Variants in NCALD observed in about 807,000 individuals in gnomAD.
The protein encoded by NCALD is neurocalcin delta.
In NCALD, 10 loss-of-function variants were observed where a neutral mutation model predicts 18.6. The ratio of observed to expected loss-of-function variants is 0.54; its 90% CI spans 0.33 to 0.91. The LOEUF (loss-of-function observed/expected upper bound fraction) is 0.91, where lower values mean the gene tolerates loss of function less well. Among genes scored for constraint, NCALD ranks in the 40% least tolerant of loss-of-function variants. NCALD has a pLI of 0.03. For synonymous variants in NCALD, 88 were observed against 87.4 expected (o/e 1.01, Z -0.04); for missense variants, 184 against 247.6 (o/e 0.74, Z 1.72).
At chr8:102,075,605 G>C (rs1217152311) in intron 1 of NCALD, among the ~76,000 whole-genome samples, 1 of 152,094 alleles carries the variant, frequency 6.6e-6, no homozygotes, top group Non-Finnish European at 1.5e-5. Context: ...ATCAATAGGA[G>C]AATCTTAATA....
chr8:101,903,384 A>G (rs757484931), intron 3 of NCALD, among the ~76,000 whole-genome samples: 1 of 151,848 alleles, frequency 6.6e-6, no homozygotes, highest in Non-Finnish European at 1.5e-5. Context: ...TTTAGTAGAG[A>G]TGGAGTTTCA....
chr8:102,101,068 T>G (rs1196765923), intron 1 of NCALD, among the ~76,000 whole-genome samples: 1 of 152,202 alleles, frequency 6.6e-6, no homozygotes, highest in Admixed American at 6.5e-5. Flanking sequence ...GTTTTGCATA[T>G]TTTATACCAC....
intron 2 of NCALD, among the ~76,000 whole-genome samples, chr8:101,953,700 T>A (rs189212599): frequency 3.3e-5 from 5 of 152,318 alleles, no homozygotes; most frequent in Admixed American, 2.6e-4. Flanking sequence ...TAGGCCAAGG[T>A]GCTATTATAA....
chr8:102,003,893 C>G (rs1179363996), intron 2 of NCALD, among the ~76,000 whole-genome samples: 1 of 152,100 alleles, frequency 6.6e-6, no homozygotes, highest in Non-Finnish European at 1.5e-5. Flanking sequence ...ATAATAAGAG[C>G]TATTTATGAC....
chr8:101,872,377 T>A, intron 4 of NCALD: 1 of 1,526,768 alleles, frequency 6.5e-7, no homozygotes, highest in Non-Finnish European at 9.1e-7. Flanking sequence ...GTCTTCATGA[T>A]CCTCCAGCTC....
At chr8:101,871,422 G>A (rs1481227709) in intron 4 of NCALD, among the ~76,000 whole-genome samples, 5 of 152,088 alleles carry the variant, frequency 3.3e-5, no homozygotes, top group Non-Finnish European at 5.9e-5. Flanking sequence ...ATTCTAGATT[G>A]GAACTCATCG....
chr8:101,963,364 C>A (rs1819905363), intron 2 of NCALD, among the ~76,000 whole-genome samples: 1 of 152,114 alleles, frequency 6.6e-6, no homozygotes, highest in East Asian at 1.9e-4. Flanking sequence ...TCTCATTGCA[C>A]CCCACTTATT....
At chr8:101,710,991 C>T (rs1390244897) in intron 2 of NCALD, among the ~76,000 whole-genome samples, 1 of 152,156 alleles carries the variant, frequency 6.6e-6, no homozygotes, top group Non-Finnish European at 1.5e-5. Context: ...CAGCAGGGGT[C>T]GACAGACACC....
At chr8:102,045,701 G>A (rs79999962) in intron 1 of NCALD, among the ~76,000 whole-genome samples, 10,015 of 152,044 alleles carry the variant, frequency 0.066, 357 homozygotes, top group Non-Finnish European at 0.083. Context: ...GCCCATACAC[G>A]TATATTTAAA....
chr8:101,983,618 A>G lies in NCALD; in HGVS notation c.-157+36619T>C, dbSNP rs374910034. Among the ~76,000 whole-genome samples the G allele has an allele frequency of 6.6e-5, 10 of 152,314 alleles. No homozygotes were observed. The East Asian group carries it at 1.7e-3, about 26-fold the overall frequency. On this transcript the variant is annotated intron_variant, in intron 2 of 6. Coordinates refer to the NCALD transcript ENST00000311028. ...GTTGTGTGTATGTGTTGTGATGGAT[A>G]CTTTCCGCTGGCTCCTTCAAATCCA... is the stretch of plus-strand genomic sequence containing the variant.
intron 2 of NCALD, among the ~76,000 whole-genome samples, chr8:101,969,348 GT>G (rs1391690856): frequency 1.3e-5 from 2 of 152,072 alleles, no homozygotes; most frequent in Non-Finnish European, 2.9e-5. Context: ...ATCTGAGTGG[GT>G]TTCTATTATT....
At chr8:101,891,770 A>G (rs537106494) in intron 3 of NCALD, among the ~76,000 whole-genome samples, 160 of 152,308 alleles carry the variant, frequency 1.1e-3, no homozygotes, top group African/African-American at 3.8e-3. Flanking sequence ...CTGGAAAATC[A>G]GGTCACTCCC....
chr8:102,074,546 AT>A (rs1824280511), intron 1 of NCALD, among the ~76,000 whole-genome samples: 1 of 152,072 alleles, frequency 6.6e-6, no homozygotes, highest in African/African-American at 2.4e-5. Flanking sequence ...CAAGATCTTA[AT>A]TTTTGTGCCC....
intron 2 of NCALD, among the ~76,000 whole-genome samples, chr8:101,940,227 T>C (rs779380287): frequency 2.6e-5 from 4 of 152,292 alleles, no homozygotes; most frequent in Middle Eastern, 3.4e-3. Flanking sequence ...AAGGTAATTA[T>C]TAGAGCAAAA....
At chr8:101,933,388 G>T (rs991590185) in intron 2 of NCALD, among the ~76,000 whole-genome samples, 1 of 152,194 alleles carries the variant, frequency 6.6e-6, no homozygotes. Context: ...AGGCATGCCA[G>T]CAGCCTCTAG....
rs374236109 is a variant in NCALD at position 101,835,500 on chromosome 8, C to A, written c.-20+51641G>T. Reference sequence around the variant, plus strand: ...GGACAAGTCCTCACAACCAAGAATTCTTCAGCCCCAAATGCTGATAGGCTG... The same window carrying A: ...GGACAAGTCCTCACAACCAAGAATTATTCAGCCCCAAATGCTGATAGGCTG... On this transcript the variant is annotated intron_variant, in intron 4 of 6. Coordinates refer to the NCALD transcript ENST00000311028. 4.6e-5 allele frequency among the ~76,000 whole-genome samples: 7 copies of A among 152,234 alleles called. No homozygotes were observed. In the South Asian group the frequency reaches 1.4e-3, roughly 32 times the overall value.
chr8:102,041,811 C>A (rs1182888060), intron 1 of NCALD, among the ~76,000 whole-genome samples: 2 of 152,106 alleles, frequency 1.3e-5, no homozygotes, highest in African/African-American at 2.4e-5. Flanking sequence ...GCAAAGGCAA[C>A]AATCAAGAGG....
rs993919877 is a variant in NCALD at position 101,688,122 on chromosome 8, A to C, written c.*1187T>G. The C allele has an allele frequency of 6.5e-6, 1 of 152,968 alleles. No individual in the cohort carries two copies. Among genetic ancestry groups the C allele is most frequent in the African/African-American group, 2.4e-5 (1 of 41,442 alleles). The allele number at this position is 152,968 out of a possible 1,614,324, so 9.5% of individuals were successfully genotyped here. ...GTATGTGATGTTTTTTCGAGTCTGC[A>C]GAGTATTGATCTGCTCAGAAAAGCA... On this transcript the variant is annotated 3_prime_UTR_variant, in exon 4 of 4. Coordinates refer to ENST00000220931, the MANE Select transcript of NCALD (RefSeq NM_032041.3).
chr8:101,808,787 C>T (rs981254347), intron 4 of NCALD, among the ~76,000 whole-genome samples: 8 of 151,974 alleles, frequency 5.3e-5, no homozygotes, highest in African/African-American at 7.3e-5. Context: ...AGATGGATGG[C>T]GGGGCTGTAA....
Sources: allele counts gnomAD v4.1 joint callset (sites outside exome capture counted in the v4.1 genomes callset), GRCh38; gene constraint gnomAD v4.1.1; transcripts MANE v1.5; gene names NCBI Gene and HGNC (gene_info 2026-07-23, HGNC 2026-07-21).